FAF1: variants seen among roughly 807,000 people sequenced by gnomAD.
The protein encoded by FAF1 is FAS-associated factor 1.
In FAF1, 25 loss-of-function variants were observed where a neutral mutation model predicts 92.5. That is an observed-to-expected ratio of 0.27 (90% CI 0.20 to 0.38). The LOEUF (loss-of-function observed/expected upper bound fraction) is 0.38, where lower values mean the gene tolerates loss of function less well. FAF1 is among the 10% of genes least tolerant of loss of function. The probability of loss-of-function intolerance (pLI) is 1.00; values close to 1 mark genes in which losing one functional copy is unlikely to be tolerated. For synonymous variants in FAF1, 234 were observed against 273.2 expected (o/e 0.86, Z 1.42); for missense variants, 636 against 793.3 (o/e 0.80, Z 2.38).
intron 2 of FAF1, among the ~76,000 whole-genome samples, chr1:50,811,493 G>C (rs1054259585): frequency 6.6e-6 from 1 of 152,110 alleles, no homozygotes; most frequent in Non-Finnish European, 1.5e-5. Context: ...TAGGAATACA[G>C]CTAACTAGGG....
chr1:50,699,231 C>T (rs1015991509), intron 7 of FAF1, among the ~76,000 whole-genome samples: 4 of 152,014 alleles, frequency 2.6e-5, no homozygotes, highest in African/African-American at 9.7e-5. Flanking sequence ...TGTATCCTAA[C>T]CCACATAGTT....
intron 13 of FAF1, among the ~76,000 whole-genome samples, chr1:50,554,345 G>C (rs1312372407): frequency 7.3e-6 from 1 of 136,734 alleles, no homozygotes; most frequent in Non-Finnish European, 1.6e-5. Flanking sequence ...CAGAATTGTG[G>C]AAAAGATTAA....
At chr1:50,711,628 G>A (rs533007463) in intron 6 of FAF1, among the ~76,000 whole-genome samples, 24 of 151,812 alleles carry the variant, frequency 1.6e-4, no homozygotes, top group African/African-American at 2.4e-4. Flanking sequence ...CACCATGCCC[G>A]GCTAATTTTT....
intron 15 of FAF1, among the ~76,000 whole-genome samples, chr1:50,492,398 C>T (rs1253661985): frequency 6.6e-6 from 1 of 152,200 alleles, no homozygotes; most frequent in Non-Finnish European, 1.5e-5. Context: ...ATTACATTCA[C>T]ACTCATGAAG....
intron 1 of FAF1, among the ~76,000 whole-genome samples, chr1:50,922,034 C>A (rs554599993): frequency 6.6e-6 from 1 of 151,908 alleles, no homozygotes; most frequent in Non-Finnish European, 1.5e-5. Context: ...GGCATGGTGG[C>A]GTGCACCTGT....
intron 2 of FAF1, among the ~76,000 whole-genome samples, chr1:50,839,695 T>C (rs1283124712): frequency 2.0e-5 from 3 of 151,954 alleles, no homozygotes; most frequent in Non-Finnish European, 2.9e-5. Context: ...CAGAAAACAG[T>C]TGGACAAAAA....
intron 6 of FAF1, among the ~76,000 whole-genome samples, chr1:50,737,554 CA>C (rs1431970502): frequency 6.6e-6 from 1 of 152,060 alleles, no homozygotes; most frequent in African/African-American, 2.4e-5. Flanking sequence ...ACACATGGAC[CA>C]TAAGTTTGTA....
At chr1:50,726,249 C>CA (rs1658645806) in intron 6 of FAF1, among the ~76,000 whole-genome samples, 1 of 151,786 alleles carries the variant, frequency 6.6e-6, no homozygotes, top group Non-Finnish European at 1.5e-5. Context: ...GAGCAAGACT[C>CA]AATCTCAAAA....
intron 4 of FAF1, among the ~76,000 whole-genome samples, chr1:50,776,028 T>A (rs184224806): frequency 1.4e-4 from 22 of 152,274 alleles, no homozygotes; most frequent in Non-Finnish European, 3.1e-4. Flanking sequence ...GTAGATATCA[T>A]ATAATAACAA....
chr1:50,818,633 C>T (rs1181612911), intron 2 of FAF1, among the ~76,000 whole-genome samples: 1 of 152,118 alleles, frequency 6.6e-6, no homozygotes, highest in Non-Finnish European at 1.5e-5. Context: ...TGTATGATTT[C>T]CTTCATACAG....
At chr1:50,510,842 A>AT (rs750885381) in intron 15 of FAF1, among the ~76,000 whole-genome samples, 70 of 152,320 alleles carry the variant, frequency 4.6e-4, no homozygotes, top group South Asian at 8.3e-4. Flanking sequence ...GAGGAAAAAG[A>AT]TATTTGAGAG....
chr1:50,610,966 G>C (rs1257652708), intron 8 of FAF1, among the ~76,000 whole-genome samples: 1 of 152,168 alleles, frequency 6.6e-6, no homozygotes, highest in Non-Finnish European at 1.5e-5. Flanking sequence ...CTACAAAATA[G>C]GTTCCCAGGG....
chr1:50,878,195 A>T (rs1272716846), intron 1 of FAF1, among the ~76,000 whole-genome samples: 7 of 152,246 alleles, frequency 4.6e-5, no homozygotes, highest in Admixed American at 2.0e-4. Context: ...CATTAAATTT[A>T]GAAATTTGTC....
intron 15 of FAF1, among the ~76,000 whole-genome samples, chr1:50,525,866 A>T (rs1647768103): frequency 6.6e-6 from 1 of 152,114 alleles, no homozygotes; most frequent in African/African-American, 2.4e-5. Flanking sequence ...ACCTGCATGT[A>T]TATTTCCAGT....
chr1:50,476,665 C>G (rs181767110), intron 17 of FAF1, among the ~76,000 whole-genome samples: 1 of 152,090 alleles, frequency 6.6e-6, no homozygotes, highest in Non-Finnish European at 1.5e-5. Context: ...TAAAGCAGTG[C>G]TCTGATGAAA....
intron 15 of FAF1, among the ~76,000 whole-genome samples, chr1:50,531,701 C>G (rs1648179146): frequency 6.6e-6 from 1 of 152,036 alleles, no homozygotes; most frequent in Non-Finnish European, 1.5e-5. Context: ...ATAGGCAGTT[C>G]TGTCAAAAAC....
At chr1:50,449,485 CTTTCT>C (rs1268755156) in intron 18 of FAF1, among the ~76,000 whole-genome samples, 1,793 of 139,962 alleles carry the variant, frequency 0.013, 25 homozygotes, top group African/African-American at 0.043. Flanking sequence ...ACAACTTTTT[CTTTCT>C]TTTTTTTTTT....
chr1:50,707,085 C>A (rs1484355849), intron 6 of FAF1, among the ~76,000 whole-genome samples: 2 of 151,876 alleles, frequency 1.3e-5, no homozygotes, highest in Non-Finnish European at 2.9e-5. Context: ...CACCTGTAGT[C>A]CCAGCTACTT....
chr1:50,648,904 T>A (rs1267394221), intron 8 of FAF1, among the ~76,000 whole-genome samples: 1 of 152,054 alleles, frequency 6.6e-6, no homozygotes, highest in East Asian at 1.9e-4. Flanking sequence ...CCAGCCTGGG[T>A]AACAAGAGCG....
Sources: gnomAD v4.1 joint callset for allele counts (sites outside exome capture counted in the v4.1 genomes callset) on GRCh38, gnomAD v4.1.1 for gene constraint, MANE v1.5 for transcripts, NCBI Gene and HGNC (gene_info 2026-07-23, HGNC 2026-07-21) for gene names.